The following SNCB variants were observed in gnomAD, a reference collection of about 807,000 sequenced individuals.
The protein encoded by SNCB is synuclein beta.
A neutral mutation model predicts 20.0 loss-of-function variants in SNCB; 8 were observed. The observed-to-expected ratio is 0.40, with a 90% CI of 0.24 to 0.72. The LOEUF (loss-of-function observed/expected upper bound fraction) is 0.72. Among genes scored for constraint, SNCB ranks in the 30% least tolerant of loss-of-function variants. The probability of loss-of-function intolerance (pLI) is 0.37; values close to 1 mark genes in which losing one functional copy is unlikely to be tolerated. For synonymous variants in SNCB, 56 were observed against 65.4 expected (o/e 0.86, Z 0.69); for missense variants, 125 against 168.0 (o/e 0.74, Z 1.41).
At chr5:176,624,068 C>T (rs922633206) in intron 4 of SNCB, among the ~76,000 whole-genome samples, 5 of 152,204 alleles carry the variant, frequency 3.3e-5, no homozygotes, top group African/African-American at 1.2e-4. Flanking sequence ...TGTGTTATAA[C>T]TCTATGATCT....
In SNCB at chr5:176,626,643, C is replaced by T. The variant is rs1409419612; in HGVS notation, c.163+77G>A. Reference sequence around the variant, plus strand: ...CCCGCAGAAGCCTTGGGAGTCTCCCCCGCCCCCGCCCTCTGGTTCCCGGCC... The same window carrying T: ...CCCGCAGAAGCCTTGGGAGTCTCCCTCGCCCCCGCCCTCTGGTTCCCGGCC... On this transcript the variant is annotated intron_variant, in intron 3 of 5. Transcript: ENST00000393693. The surrounding 1 kb of genome is among the most constrained non-coding windows in gnomAD (Gnocchi z 4.2). 1 of 1,567,436 alleles carries T rather than the reference C, an allele frequency of 6.4e-7. No homozygotes were observed. Among genetic ancestry groups the T allele is most frequent in the Non-Finnish European group, 8.8e-7 (1 of 1,137,606 alleles).
chr5:176,629,061 C>T lies in SNCB; in HGVS notation c.121+473G>A, dbSNP rs1380984792. ...TGGGGCTTCAGAATCTATAAAGCTC[C>T]GTTCAAACCCCAGCTTCAGCATTTA... is the stretch of plus-strand genomic sequence containing the variant. On this transcript the variant is annotated intron_variant, in intron 2 of 5. Transcript: ENST00000393693. The surrounding 1 kb of genome is among the most constrained non-coding windows in gnomAD (Gnocchi z 4.1). 2.0e-5 allele frequency among the ~76,000 whole-genome samples: 3 copies of T among 152,146 alleles called. No individual in the cohort carries two copies. Among genetic ancestry groups the T allele is most frequent in the Admixed American group, 6.5e-5 (1 of 15,278 alleles).
Position 176,621,828 on chromosome 5 carries a change from T to C in SNCB, c.283-525A>G, listed in dbSNP as rs1295206927. Among the ~76,000 whole-genome samples, 1 of 152,232 alleles carries C rather than the reference T, an allele frequency of 6.6e-6. No individual in the cohort carries two copies. Among genetic ancestry groups the C allele is most frequent in the Admixed American group, 6.5e-5 (1 of 15,284 alleles). On this transcript the variant is annotated intron_variant, in intron 4 of 5. Coordinates refer to ENST00000393693, the MANE Select transcript of SNCB (RefSeq NM_003085.5). The surrounding 1 kb of genome is among the most constrained non-coding windows in gnomAD (Gnocchi z 4.1). ...AGCTGGAAGCCACAGCTCGTGGTGT[T>C]GCTTGGATGTGTGAGCTAAGACTCT...
At chr5:176,627,335 C>T (rs1248495071) in intron 2 of SNCB, among the ~76,000 whole-genome samples, 2 of 152,246 alleles carry the variant, frequency 1.3e-5, no homozygotes, top group Non-Finnish European at 2.9e-5. Flanking sequence ...CACTGCCCCA[C>T]TCCATTTCCT....
In SNCB at chr5:176,621,492, C is replaced by A. The variant is rs765898974; in HGVS notation, c.283-189G>T. On this transcript the variant is annotated intron_variant, in intron 4 of 5. Transcript: ENST00000393693. The surrounding 1 kb of genome is among the most constrained non-coding windows in gnomAD (Gnocchi z 4.1). ...ATGGAGGTGAAGGGGGAAATTCCCCCGAATCACAGTTGAAGTGGCAGCATG... is the reference window on the plus strand; with the variant it reads ...ATGGAGGTGAAGGGGGAAATTCCCCAGAATCACAGTTGAAGTGGCAGCATG... 2.0e-5 allele frequency among the ~76,000 whole-genome samples: 3 copies of A among 152,200 alleles called. No individual in the cohort carries two copies. Among genetic ancestry groups the A allele is most frequent in the South Asian group, 2.1e-4 (1 of 4,834 alleles).
Position 176,621,105 on chromosome 5 carries a change from C to T in SNCB, c.372+109G>A. The T allele has an allele frequency of 1.1e-6, 1 of 946,344 alleles. No homozygotes were observed. Among genetic ancestry groups the T allele is most frequent in the Non-Finnish European group, 1.7e-6 (1 of 597,652 alleles). 58.6% of individuals were successfully genotyped at this position (946,344 alleles called of 1,614,324 possible). On this transcript the variant is annotated intron_variant, in intron 5 of 5. Transcript: ENST00000393693. This position sits in a 1 kb window ranked among gnomAD's most constrained non-coding sequence, Gnocchi z 4.1. The stretch of plus-strand genomic sequence containing the variant: ...GGCCTGGGTTCTAGAAGAGGGATGT[C>T]AAGCTCCCTGGCCCAACCATCTCAT...
In SNCB at chr5:176,620,682, G is replaced by A. The variant is rs140215513; in HGVS notation, c.*129C>T. Reference sequence around the variant, plus strand: ...GGACAGACACTAACACAGGCTCCGAGGGGGTTGCCTCAGAGCGGAAGGAAG... The same window carrying A: ...GGACAGACACTAACACAGGCTCCGAAGGGGTTGCCTCAGAGCGGAAGGAAG... On this transcript the variant is annotated 3_prime_UTR_variant, in exon 6 of 6. Transcript: ENST00000393693. The surrounding 1 kb of genome is among the most constrained non-coding windows in gnomAD (Gnocchi z 4.5). 0.014 allele frequency: 10,636 copies of A among 773,598 alleles called. 111 individuals carry two copies. The highest frequency in any genetic ancestry group is 0.019 in the Non-Finnish European group (7,977 of 424,888). 47.9% of individuals were successfully genotyped at this position (773,598 alleles called of 1,614,324 possible).
rs1759962964 is a variant in SNCB at position 176,626,601 on chromosome 5, C to A, written c.164-85G>T. 1 of 1,508,226 alleles carries A rather than the reference C, an allele frequency of 6.6e-7. No homozygotes were observed. Among genetic ancestry groups the A allele is most frequent in the African/African-American group, 1.4e-5 (1 of 72,730 alleles). The allele number at this position is 1,508,226 out of a possible 1,614,324, so 93.4% of individuals were successfully genotyped here. A position where few individuals can be genotyped will look rare whatever the true frequency, so the allele number is the denominator to read the frequency against. On this transcript the variant is annotated intron_variant, in intron 3 of 5. Transcript: ENST00000393693. This position sits in a 1 kb window ranked among gnomAD's most constrained non-coding sequence, Gnocchi z 4.2. ...TGCCTTGTAGTATCCCAGGGCCTGC[C>A]CTCCCCACGGAGCATTCCCGCAGAA...
chr5:176,620,729 A>G lies in SNCB; in HGVS notation c.*82T>C, dbSNP rs1759527939. The G allele has an allele frequency of 4.4e-6, 4 of 918,428 alleles. No individual in the cohort carries two copies. Among genetic ancestry groups the G allele is most frequent in the Non-Finnish European group, 7.3e-6 (4 of 544,338 alleles). The allele number at this position is 918,428 out of a possible 1,614,324, so 56.9% of individuals were successfully genotyped here. ...GAAGATCTCGTGATTGGGGAGAAGG[A>G]GTCTAAGGACAGCCCTGGCTCTGGG... On this transcript the variant is annotated 3_prime_UTR_variant, in exon 6 of 6. Coordinates refer to ENST00000393693, the MANE Select transcript of SNCB (RefSeq NM_003085.5). This position sits in a 1 kb window ranked among gnomAD's most constrained non-coding sequence, Gnocchi z 4.5.
In SNCB at chr5:176,626,808, A is replaced by G. The variant is rs1434884298; in HGVS notation, c.122-47T>C. The stretch of plus-strand genomic sequence containing the variant: ...CATTTAAGGACTCTGCGCTGAGGGA[A>G]CAGAAACTCCAGCACAGCATGGTGA... On this transcript the variant is annotated intron_variant, in intron 2 of 5. Coordinates refer to ENST00000393693, the MANE Select transcript of SNCB (RefSeq NM_003085.5). This position sits in a 1 kb window ranked among gnomAD's most constrained non-coding sequence, Gnocchi z 4.2. 3.7e-6 allele frequency: 6 copies of G among 1,602,830 alleles called. No individual in the cohort carries two copies. The highest frequency in any genetic ancestry group is 5.1e-6 in the Non-Finnish European group (6 of 1,169,758).
Position 176,621,412 on chromosome 5 carries a change from C to G in SNCB, c.283-109G>C. 3.6e-6 allele frequency: 3 copies of G among 827,012 alleles called. No individual in the cohort carries two copies. Among genetic ancestry groups the G allele is most frequent in the South Asian group, 2.9e-5 (2 of 69,880 alleles). The allele number at this position is 827,012 out of a possible 1,614,324, so 51.2% of individuals were successfully genotyped here. On this transcript the variant is annotated intron_variant, in intron 4 of 5. Transcript: ENST00000393693. The surrounding 1 kb of genome is among the most constrained non-coding windows in gnomAD (Gnocchi z 4.1). ...AGTGGGGAAGGCTAGGGTGGGTTGG[C>G]AGAGCAAGGATAATTTCTAATTCAG...
intron 2 of SNCB, among the ~76,000 whole-genome samples, chr5:176,627,660 G>A (rs1257191534): frequency 1.2e-5 from 1 of 83,696 alleles, no homozygotes; most frequent in East Asian, 3.4e-3. Flanking sequence ...GAGCCCGGCG[G>A]GGGGGTGGGG....
intron 4 of SNCB, among the ~76,000 whole-genome samples, chr5:176,625,541 GT>G (rs1759887051): frequency 6.6e-6 from 1 of 152,252 alleles, no homozygotes; most frequent in Admixed American, 6.5e-5. Context: ...CAGCCAGGAA[GT>G]AGTGGAGTTA....
intron 4 of SNCB, among the ~76,000 whole-genome samples, chr5:176,622,863 A>G (rs1759692846): frequency 6.6e-6 from 1 of 151,426 alleles, no homozygotes; most frequent in Non-Finnish European, 1.5e-5. Flanking sequence ...CAGCTTCCCA[A>G]GTAGCTGGGA....
intron 4 of SNCB, among the ~76,000 whole-genome samples, chr5:176,622,732 CTTTTTTTTTT>C (rs149031370): frequency 1.5e-4 from 14 of 93,556 alleles, no homozygotes; most frequent in Non-Finnish European, 2.5e-4. Flanking sequence ...TTCATGATGA[CTTTTTTTTTT>C]TTTTTTTTTT....
In SNCB at chr5:176,629,630, A is replaced by C; in HGVS notation, c.25T>G (p.Ser9Ala). MDVFMKGLSMAKEGVVAAA... is the reference protein window; with the variant it reads MDVFMKGLAMAKEGVVAAA... Reference sequence around the variant, plus strand: ...GCCACAACGCCCTCCTTGGCCATGGACAGGCCCTTCATGAACACGTCCATC... The same window carrying C: ...GCCACAACGCCCTCCTTGGCCATGGCCAGGCCCTTCATGAACACGTCCATC... The change falls in exon 2 of 6, where the codon TCC becomes GCC. Residue 9 changes from serine (S) to alanine (A), a missense_variant. By Grantham distance (99) the Ser-to-Ala change is moderately conservative (BLOSUM62 1). Transcript: ENST00000393693. The surrounding 1 kb of genome is among the most constrained non-coding windows in gnomAD (Gnocchi z 4.1). The C allele has an allele frequency of 6.2e-7, 1 of 1,613,706 alleles. No homozygotes were observed. The highest frequency in any genetic ancestry group is 8.5e-7 in the Non-Finnish European group (1 of 1,179,856).
intron 4 of SNCB, among the ~76,000 whole-genome samples, chr5:176,623,261 C>G (rs989103091): frequency 2.6e-5 from 4 of 152,096 alleles, no homozygotes; most frequent in African/African-American, 9.7e-5. Context: ...GTGGTGCACG[C>G]CTGTAGTCTC....
Position 176,620,502 on chromosome 5 carries a change from C to T in SNCB, c.*309G>A, listed in dbSNP as rs1759511019. ...CGGGGATCGGGGAGGAGCCGTCGCT[C>T]GGATCTTCGTTTAAAAACACATAGA... On this transcript the variant is annotated 3_prime_UTR_variant, in exon 6 of 6. Coordinates refer to ENST00000393693, the MANE Select transcript of SNCB (RefSeq NM_003085.5). This position sits in a 1 kb window ranked among gnomAD's most constrained non-coding sequence, Gnocchi z 4.5. 1 of 413,342 alleles carries T rather than the reference C, an allele frequency of 2.4e-6. No homozygotes were observed. The highest frequency in any genetic ancestry group is 4.0e-5 in the Admixed American group (1 of 24,834). 25.6% of individuals were successfully genotyped at this position (413,342 alleles called of 1,614,324 possible). A position where few individuals can be genotyped will look rare whatever the true frequency, so the allele number is the denominator to read the frequency against.
chr5:176,623,171 TGAGG>T (rs1759713967), intron 4 of SNCB, among the ~76,000 whole-genome samples: 16 of 151,868 alleles, frequency 1.1e-4, no homozygotes, highest in Admixed American at 1.3e-4. Context: ...GCAGATCACT[TGAGG>T]TCAGGAGTTT....
Sources: allele counts gnomAD v4.1 joint callset (sites outside exome capture counted in the v4.1 genomes callset), GRCh38; gene constraint gnomAD v4.1.1; non-coding constraint Gnocchi (gnomAD v3.1); transcripts MANE v1.5; gene names NCBI Gene and HGNC (gene_info 2026-07-23, HGNC 2026-07-21).